SEC24C: variants seen among roughly 807,000 people sequenced by gnomAD.
SEC24C encodes the protein SEC24 homolog C, COPII component.
SEC24C carries 22 observed loss-of-function variants against 117.0 expected under a neutral mutation model. That is an observed-to-expected ratio of 0.19 (90% CI 0.13 to 0.27). The LOEUF is 0.27. Ranked by LOEUF, SEC24C falls within the 10% of genes least tolerant of loss-of-function variation. The pLI is 1.00. For missense variants in SEC24C, 1,155 were observed against 1,375.1 expected (o/e 0.84, Z 2.53); for synonymous variants, 506 against 529.4 (o/e 0.96, Z 0.61).
At chr10:73,765,171 C>T (rs2082861793) in intron 8 of SEC24C, among the ~76,000 whole-genome samples, 1 of 152,168 alleles carries the variant, frequency 6.6e-6, no homozygotes, top group Admixed American at 6.5e-5. Flanking sequence ...CCATGGCAGC[C>T]CCTAGTCTGA....
At chr10:73,755,872 TAC>T (rs1361285664) in intron 3 of SEC24C, among the ~76,000 whole-genome samples, 1 of 150,960 alleles carries the variant, frequency 6.6e-6, no homozygotes, top group Non-Finnish European at 1.5e-5. Context: ...TTTTTTTAAA[TAC>T]AGAGTCTTGC....
chr10:73,749,607 G>T (rs984589268), intron 2 of SEC24C, among the ~76,000 whole-genome samples: 1 of 150,110 alleles, frequency 6.7e-6, no homozygotes, highest in South Asian at 2.1e-4. Flanking sequence ...GCAGTGGCAC[G>T]ATCTTGGCTC....
chr10:73,766,448 A>G lies in SEC24C; in HGVS notation c.1706A>G (p.Gln569Arg). The G allele has an allele frequency of 6.2e-7, 1 of 1,614,186 alleles. No homozygotes were observed. Residue 569 changes from glutamine to arginine, a missense_variant, in exon 12 of 23, where the codon CAG (glutamine) becomes CGG (arginine). Gln to Arg is a conservative substitution (Grantham distance 43). This residue lies in a region of SEC24C where 759 missense variants were observed against 992.3 expected (regional missense o/e 0.76). Transcript: ENST00000345254. ...YNVKSSLAQP[Q>R]MMVVSDVADM... ...GTGAAGAGCTCATTGGCCCAGCCAC[A>G]GATGATGGTTGTGTCTGATGTGGCT...
intron 8 of SEC24C, among the ~76,000 whole-genome samples, chr10:73,764,487 G>A (rs945811096): frequency 1.3e-5 from 2 of 149,038 alleles, no homozygotes; most frequent in African/African-American, 5.0e-5. Context: ...TTGCACCACT[G>A]CACTCCAGCC....
intron 2 of SEC24C, among the ~76,000 whole-genome samples, chr10:73,749,718 A>AT (rs1188404519): frequency 6.6e-6 from 1 of 151,532 alleles, no homozygotes. Flanking sequence ...TAATTTTTAT[A>AT]TTTTTAGTAG....
chr10:73,770,557 C>G (rs1419638552), intron 21 of SEC24C, 86 bp downstream of exon 21: 1 of 1,531,382 alleles, frequency 6.5e-7, no homozygotes. Context: ...TGTGCTAGTA[C>G]CCTCAAATAT....
rs1173008171 is a variant in SEC24C, at chr10:73,763,867, C to A, written c.1111C>A (p.Pro371Thr). 6.2e-7 allele frequency: 1 copy of A among 1,613,228 alleles called. No homozygotes were observed. The highest frequency in any genetic ancestry group is 1.7e-5 in the Admixed American group (1 of 59,910). Residue 371 changes from proline (P) to threonine (T), a missense_variant, in exon 8 of 23, where the codon CCC becomes ACC. Physicochemically the swap from Pro to Thr is conservative, Grantham distance 38. Coordinates refer to ENST00000345254, the MANE Select transcript of SEC24C (RefSeq NM_198597.3). ...GCCTCCTTCTTCAGGGAATGCAAGTCCCCGATACATCCGATGTACATCCTA... is the reference window on the plus strand; with the variant it reads ...GCCTCCTTCTTCAGGGAATGCAAGTACCCGATACATCCGATGTACATCCTA... ...FLVKDQGNAS[P>T]RYIRCTSYNI... is the part of the protein sequence containing the mutation.
Position 73,769,101 on chromosome 10 carries a change from G to A in SEC24C, c.2373G>A (p.Val791=), listed in dbSNP as rs777567990. Residue 791 remains valine, a synonymous_variant, in exon 17 of 23, where the codon GTG becomes GTA. Transcript: ENST00000345254. The surrounding 1 kb of genome is among the most constrained non-coding windows in gnomAD (Gnocchi z 4.5). ...TAGATGGGGACAAAACAGTGACTGT[G>A]GAGTTCAAGCATGACGATCGGCTCA... ...AGLDGDKTVT[V]EFKHDDRLNE... The A allele has an allele frequency of 6.2e-7, 1 of 1,614,232 alleles. No homozygotes were observed. Among genetic ancestry groups the A allele is most frequent in the Non-Finnish European group, 8.5e-7 (1 of 1,180,046 alleles).
At position 73,770,772 on chromosome 10, in the gene SEC24C, CG is replaced by C; in HGVS notation, c.3121del (p.Ala1041HisfsTer7). 1 of 1,614,104 alleles carries C rather than the reference CG, an allele frequency of 6.2e-7. No individual in the cohort carries two copies. On this transcript the variant is annotated frameshift_variant, in exon 22 of 23. Transcript: ENST00000345254. LOFTEE classifies it high-confidence loss of function. ...KKVRGLIDSL[R>X]AQRSRYMKLT... ...GGTTCGAGGCCTCATTGATAGCTTA[CG>C]GGCACAGAGATCCCGGTACATGAAG... is the stretch of plus-strand genomic sequence containing the variant.
At chr10:73,756,186 G>T (rs2082707541) in intron 3 of SEC24C, among the ~76,000 whole-genome samples, 1 of 152,182 alleles carries the variant, frequency 6.6e-6, no homozygotes, top group East Asian at 1.9e-4. Context: ...GTGGTAAATT[G>T]ACTCTGGAGC....
In SEC24C at chr10:73,760,222, C is replaced by T. The variant is rs1565042026; in HGVS notation, c.686C>T (p.Pro229Leu). The T allele has an allele frequency of 1.2e-6, 2 of 1,614,046 alleles. No homozygotes were observed. The highest frequency in any genetic ancestry group is 1.7e-6 in the Non-Finnish European group (2 of 1,180,024). Residue 229 changes from proline (P) to leucine (L), a missense_variant, in exon 5 of 23, where the codon CCA (proline) becomes CTA (leucine). Physicochemically the swap from Pro to Leu is moderately conservative, Grantham distance 98 (BLOSUM62 -3). This residue lies in a region of SEC24C where 396 missense variants were observed against 382.8 expected (regional missense o/e 1.03). Transcript: ENST00000345254. ...CCTCGGCTGCCTTCGATGACTGGTC[C>T]ACTCCTGCCTGGACAGAGTTTTGGA... ...GGPRLPSMTGPLLPGQSFGGP... is the reference protein window; with the variant it reads ...GGPRLPSMTGLLLPGQSFGGP...
chr10:73,762,728 C>A (rs2082816592), intron 6 of SEC24C, among the ~76,000 whole-genome samples: 1 of 152,104 alleles, frequency 6.6e-6, no homozygotes, highest in Non-Finnish European at 1.5e-5. Context: ...TCTTATTTGC[C>A]CTTTGCTTTT....
rs1198785417 is a variant in SEC24C at position 73,746,168 on chromosome 10, A to AAC, written c.-28-636_-28-635insCA. Reference sequence around the variant, plus strand: ...AGTGAGACTCCGTCTCAAAAAAAAAAAAAAAAAAAAAAAACCTTCAGTTTT... The same window carrying AAC: ...AGTGAGACTCCGTCTCAAAAAAAAAAACAAAAAAAAAAAAAACCTTCAGTTTT... On this transcript the variant is annotated intron_variant, in intron 1 of 22. Coordinates refer to ENST00000345254, the MANE Select transcript of SEC24C (RefSeq NM_198597.3). Among the ~76,000 whole-genome samples the AAC allele has an allele frequency of 5.4e-3, 815 of 151,236 alleles. 15 individuals carry two copies. The highest frequency in any genetic ancestry group is 5.6e-3 in the Non-Finnish European group (383 of 67,912).
In SEC24C at chr10:73,771,194, C is replaced by G; in HGVS notation, c.*99C>G. The G allele has an allele frequency of 7.2e-7, 1 of 1,387,350 alleles. No individual in the cohort carries two copies. The highest frequency in any genetic ancestry group is 9.9e-7 in the Non-Finnish European group (1 of 1,011,710). 85.9% of individuals were successfully genotyped at this position (1,387,350 alleles called of 1,614,324 possible). A position where few individuals can be genotyped will look rare whatever the true frequency, so the allele number is the denominator to read the frequency against. On this transcript the variant is annotated 3_prime_UTR_variant, in exon 23 of 23. Transcript: ENST00000345254. ...AGTAACATATCTTATGTAAGCTGAC[C>G]TCAGTCTCTCTGGGGGGAGGGGGAG...
At chr10:73,763,668 T>TTGC (rs2082832952) in intron 7 of SEC24C, 67 bp downstream of exon 7, 2 of 208,640 alleles carry the variant, frequency 9.6e-6, no homozygotes, top group African/African-American at 1.1e-4. Flanking sequence ...TGGTTGGGGC[T>TTGC]TTTTTTTTTT....
intron 8 of SEC24C, among the ~76,000 whole-genome samples, chr10:73,765,164 TG>T (rs1018286956): frequency 3.3e-5 from 5 of 152,238 alleles, no homozygotes; most frequent in African/African-American, 1.2e-4. Context: ...CATATGCCCA[TG>T]GCAGCCCCTA....
chr10:73,767,427 G>C (rs1306201284), intron 14 of SEC24C, among the ~76,000 whole-genome samples: 2 of 152,206 alleles, frequency 1.3e-5, no homozygotes, highest in African/African-American at 4.8e-5. Flanking sequence ...CGAGCGCTTT[G>C]GGAGGCCAAG....
At chr10:73,770,888 A>C in intron 22 of SEC24C, 67 bp from the exon 23 acceptor site, 3 of 1,613,116 alleles carry the variant, frequency 1.9e-6, no homozygotes, top group South Asian at 1.1e-5. Flanking sequence ...GTGACTGCCT[A>C]ATGAGATTTC....
intron 8 of SEC24C, 123 bp downstream of exon 8, chr10:73,764,106 A>G (rs1190431704): frequency 1.5e-6 from 2 of 1,304,792 alleles, no homozygotes; most frequent in Non-Finnish European, 2.1e-6. Context: ...AGGAGAGGAG[A>G]CTGTCTTTAG....
Sources: gnomAD v4.1 joint callset for allele counts (sites outside exome capture counted in the v4.1 genomes callset) on GRCh38, gnomAD v4.1.1 for gene constraint, gnomAD v4.1.1 regional missense constraint, Gnocchi (gnomAD v3.1) non-coding constraint, MANE v1.5 for transcripts, NCBI Gene and HGNC (gene_info 2026-07-23, HGNC 2026-07-21) for gene names.